RB1CC1: variants seen among roughly 807,000 people sequenced by gnomAD.
RB1CC1 encodes the protein RB1 inducible coiled-coil 1.
In RB1CC1, 46 loss-of-function variants were observed where a neutral mutation model predicts 177.5. The observed-to-expected ratio is 0.26, with a 90% CI of 0.20 to 0.33. The LOEUF is 0.33. Among genes scored for constraint, RB1CC1 ranks in the 10% least tolerant of loss-of-function variants. The pLI, the probability that RB1CC1 is intolerant of heterozygous loss-of-function variation, is 1.00. For missense variants in RB1CC1, 1,703 were observed against 1,816.3 expected (o/e 0.94, Z 1.13); for synonymous variants, 666 against 613.6 (o/e 1.09, Z -1.26).
intron 1 of RB1CC1, among the ~76,000 whole-genome samples, chr8:52,706,680 C>G (rs1362953055): frequency 4.7e-5 from 7 of 150,502 alleles, no homozygotes; most frequent in Non-Finnish European, 1.0e-4. Flanking sequence ...TGCAGTAAGC[C>G]GAGATCTCGC....
At chr8:52,665,641 AG>A (rs1192755059) in intron 8 of RB1CC1, among the ~76,000 whole-genome samples, 1 of 152,236 alleles carries the variant, frequency 6.6e-6, no homozygotes, top group Non-Finnish European at 1.5e-5. Flanking sequence ...GCAAAAGATC[AG>A]GAATGCAGAG....
chr8:52,670,957 A>G lies in RB1CC1; in HGVS notation c.1003-2766T>C, dbSNP rs544089654. On this transcript the variant is annotated intron_variant, in intron 7 of 23. Coordinates refer to ENST00000025008, the MANE Select transcript of RB1CC1 (RefSeq NM_014781.5). ...GGTGACAGAGCGAGACTCCAACTCAAAAAAAAAAAAAGAGTCTTTTTAGCA... is the reference window on the plus strand; with the variant it reads ...GGTGACAGAGCGAGACTCCAACTCAGAAAAAAAAAAAGAGTCTTTTTAGCA... Among the ~76,000 whole-genome samples, 29 of 147,266 alleles carry G rather than the reference A, an allele frequency of 2.0e-4. No homozygotes were observed. In the South Asian group the frequency reaches 6.1e-3, roughly 31 times the overall value.
intron 1 of RB1CC1, among the ~76,000 whole-genome samples, chr8:52,702,148 G>A (rs985331022): frequency 3.3e-5 from 5 of 151,996 alleles, no homozygotes; most frequent in African/African-American, 1.2e-4. Context: ...TTTCAACCCT[G>A]GATTATTAAT....
intron 1 of RB1CC1, among the ~76,000 whole-genome samples, chr8:52,692,882 A>G (rs7002395): frequency 0.72 from 109,517 of 152,112 alleles, 39,891 homozygotes; most frequent in East Asian, 0.83. Context: ...GGTTTTCAAC[A>G]GAAAGCAAAG....
In RB1CC1 at chr8:52,676,532, C is replaced by A; in HGVS notation, c.409G>T (p.Glu137Ter). 1 of 1,608,242 alleles carries A rather than the reference C, an allele frequency of 6.2e-7. No homozygotes were observed. The highest frequency in any genetic ancestry group is 8.5e-7 in the Non-Finnish European group (1 of 1,178,752). Residue 137 changes from glutamate (E) to a stop codon, truncating the protein, a stop_gained, in exon 6 of 24, where the codon GAA (glutamate) becomes TAA (stop). Coordinates refer to ENST00000025008, the MANE Select transcript of RB1CC1 (RefSeq NM_014781.5). LOFTEE classifies it high-confidence loss of function. ...EVAKKLCSFCEGLVHDEHLQH... is the reference protein window; with the variant it reads ...EVAKKLCSFC ...AGATGTTCATCATGTACAAGACCTT[C>A]ACAAAAAGAACAAAGTTTCTTGGCA... is the stretch of plus-strand genomic sequence containing the variant.
intron 1 of RB1CC1, among the ~76,000 whole-genome samples, chr8:52,707,745 T>C (rs953874062): frequency 3.9e-5 from 6 of 152,206 alleles, no homozygotes; most frequent in African/African-American, 1.2e-4. Flanking sequence ...TACACTCTCT[T>C]TGTCACCTCC....
At chr8:52,646,433 G>C (rs1305350585) in intron 15 of RB1CC1, among the ~76,000 whole-genome samples, 1 of 151,560 alleles carries the variant, frequency 6.6e-6, no homozygotes, top group Non-Finnish European at 1.5e-5. Flanking sequence ...TTCTGGTAAG[G>C]GACTATACAC....
At chr8:52,707,432 CT>C (rs386412758) in intron 1 of RB1CC1, among the ~76,000 whole-genome samples, 1,893 of 128,820 alleles carry the variant, frequency 0.015, 14 homozygotes, top group African/African-American at 0.026. Flanking sequence ...TTCTTTCTTT[CT>C]TTTTTTTTTT....
At chr8:52,673,121 CTCT>C (rs1259644015) in intron 7 of RB1CC1, among the ~76,000 whole-genome samples, 2 of 152,206 alleles carry the variant, frequency 1.3e-5, no homozygotes, top group Non-Finnish European at 2.9e-5. Context: ...CAAAGATGAA[CTCT>C]TCTTCGACTG....
chr8:52,676,172 TCATA>T (rs930987891), intron 6 of RB1CC1, among the ~76,000 whole-genome samples, 193 bp downstream of exon 6: 26 of 152,284 alleles, frequency 1.7e-4, no homozygotes, highest in East Asian at 7.7e-4. Flanking sequence ...TGTGGGAGAC[TCATA>T]CATGTAAAGA....
chr8:52,626,437 C>T (rs897707805), intron 22 of RB1CC1, among the ~76,000 whole-genome samples: 19 of 151,788 alleles, frequency 1.3e-4, no homozygotes, highest in African/African-American at 1.7e-4. Context: ...TATCATCATA[C>T]GGTTCTGGGG....
chr8:52,652,478 AAG>A (rs1334327959), intron 15 of RB1CC1, among the ~76,000 whole-genome samples: 3 of 151,418 alleles, frequency 2.0e-5, no homozygotes, highest in African/African-American at 7.3e-5. Context: ...AAAAAAAAAA[AAG>A]TCTTATGTAT....
In RB1CC1 at chr8:52,656,008, C is replaced by G; in HGVS notation, c.3821G>C (p.Ser1274Thr). Residue 1274 changes from serine to threonine, a missense_variant and splice_region_variant, in exon 15 of 24, where the codon AGT becomes ACT. Ser to Thr is a moderately conservative substitution (Grantham distance 58). Coordinates refer to ENST00000025008, the MANE Select transcript of RB1CC1 (RefSeq NM_014781.5). ...VKHLENQIAKSPAIDSTRGDS... is the reference protein window; with the variant it reads ...VKHLENQIAKTPAIDSTRGDS... Reference sequence around the variant, plus strand: ...ATTACAGACTAAACTTAATTCTTACCTTTTTGCTATTTGATTCTCAAGATG... The same window carrying G: ...ATTACAGACTAAACTTAATTCTTACGTTTTTGCTATTTGATTCTCAAGATG... The G allele has an allele frequency of 6.3e-7, 1 of 1,589,524 alleles. No homozygotes were observed.
chr8:52,667,660 T>C (rs1289157045), intron 8 of RB1CC1, among the ~76,000 whole-genome samples: 1 of 152,230 alleles, frequency 6.6e-6, no homozygotes, highest in African/African-American at 2.4e-5. Flanking sequence ...TAGTAAATTC[T>C]TCAAGATTTC....
intron 18 of RB1CC1, among the ~76,000 whole-genome samples, chr8:52,641,795 A>C (rs983900660): frequency 6.6e-6 from 1 of 152,120 alleles, no homozygotes; most frequent in South Asian, 2.1e-4. Context: ...GGAGAGGAGC[A>C]CTTTCTCCTC....
intron 22 of RB1CC1, among the ~76,000 whole-genome samples, chr8:52,626,456 T>G (rs1459289315): frequency 2.0e-5 from 3 of 152,068 alleles, no homozygotes; most frequent in African/African-American, 7.2e-5. Context: ...GGGAAAAAAG[T>G]GTGCACACAT....
intron 15 of RB1CC1, among the ~76,000 whole-genome samples, chr8:52,646,796 A>G (rs936206566): frequency 5.9e-5 from 9 of 152,230 alleles, no homozygotes; most frequent in African/African-American, 2.2e-4. Context: ...TTAATAACTC[A>G]TTAACTTCTA....
At chr8:52,673,709 AT>A in intron 7 of RB1CC1, 135 bp downstream of exon 7, 2 of 760,528 alleles carry the variant, frequency 2.6e-6, no homozygotes, top group Non-Finnish European at 4.0e-6. Flanking sequence ...GATTCAACCT[AT>A]GTTAAAAGTT....
intron 1 of RB1CC1, among the ~76,000 whole-genome samples, chr8:52,710,770 T>C (rs913474935): frequency 6.6e-6 from 1 of 152,160 alleles, no homozygotes; most frequent in African/African-American, 2.4e-5. Flanking sequence ...AAAGAAAATG[T>C]AGAATTAGCT....
Sources: gnomAD v4.1 joint callset for allele counts (sites outside exome capture counted in the v4.1 genomes callset) on GRCh38, gnomAD v4.1.1 for gene constraint, MANE v1.5 for transcripts, NCBI Gene and HGNC (gene_info 2026-07-23, HGNC 2026-07-21) for gene names.